The following IGSF5 variants were observed in gnomAD, a reference collection of about 807,000 sequenced individuals.
IGSF5 encodes the protein immunoglobulin superfamily member 5, also known as immunoglobulin superfamily 5 like.
IGSF5 carries 41 observed loss-of-function variants against 39.4 expected under a neutral mutation model. That is an observed-to-expected ratio of 1.04 (90% CI 0.81 to 1.35). IGSF5 has a LOEUF of 1.35. Ranked by LOEUF, IGSF5 falls within the 40% of genes most tolerant of loss-of-function variation. The pLI is 0.00. For synonymous variants in IGSF5, 183 were observed against 175.3 expected (o/e 1.04, Z -0.34); for missense variants, 487 against 494.6 (o/e 0.98, Z 0.15).
intron 8 of IGSF5, among the ~76,000 whole-genome samples, chr21:39,795,960 G>A (rs2086993583): frequency 6.6e-6 from 1 of 152,024 alleles, no homozygotes. Flanking sequence ...CATCATGGGG[G>A]GACTTTAGGA....
intron 4 of IGSF5, among the ~76,000 whole-genome samples, chr21:39,775,666 G>A (rs747418969): frequency 9.2e-5 from 14 of 152,154 alleles, no homozygotes; most frequent in Non-Finnish European, 1.5e-4. Flanking sequence ...GTGAAGGAGT[G>A]CAGGGAGAAA....
chr21:39,744,871 GT>G (rs2079965048), upstream of IGSF5, among the ~76,000 whole-genome samples: 1 of 152,236 alleles, frequency 6.6e-6, no homozygotes, highest in Non-Finnish European at 1.5e-5. Flanking sequence ...TCATCCGTGG[GT>G]TACTGGGTTA....
chr21:39,801,513 GA>G lies in IGSF5; in HGVS notation c.*158del, dbSNP rs1303140584. On this transcript the variant is annotated 3_prime_UTR_variant, in exon 9 of 9. Coordinates refer to ENST00000380588, the MANE Select transcript of IGSF5 (RefSeq NM_001080444.2). Reference sequence around the variant, plus strand: ...TCAGAACTGATACTTGACAGTGAGAGAAGGAATCGATTTTCCCAGAGTTCAA... The same window carrying G: ...TCAGAACTGATACTTGACAGTGAGAGAGGAATCGATTTTCCCAGAGTTCAA... The G allele has an allele frequency of 1.2e-5, 6 of 485,258 alleles. No individual in the cohort carries two copies. Among genetic ancestry groups the G allele is most frequent in the Non-Finnish European group, 2.2e-5 (6 of 274,620 alleles). The allele number at this position is 485,258 out of a possible 1,614,324, so 30.1% of individuals were successfully genotyped here.
At chr21:39,759,685 C>T (rs905520017) in intron 2 of IGSF5, among the ~76,000 whole-genome samples, 1 of 151,500 alleles carries the variant, frequency 6.6e-6, no homozygotes. Flanking sequence ...GCTAACATGG[C>T]GAAACCCTAT....
the IGSF5 span, among the ~76,000 whole-genome samples, chr21:39,738,347 ACCGCCCAACAG>A: frequency 1.3e-5 from 2 of 152,096 alleles, no homozygotes; most frequent in Admixed American, 1.3e-4. This position sits in a 1 kb window ranked among gnomAD's most constrained non-coding sequence, Gnocchi z 6.4. Flanking sequence ...TATGGGGGAA[ACCGCCCAACAG>A]CCGCTTGATT....
chr21:39,797,522 A>G (rs2087003348), intron 8 of IGSF5, among the ~76,000 whole-genome samples: 1 of 151,948 alleles, frequency 6.6e-6, no homozygotes, highest in Non-Finnish European at 1.5e-5. Context: ...CCCGGCCTTT[A>G]AAAATTTTTT....
At chr21:39,759,954 A>G (rs541875933) in intron 2 of IGSF5, among the ~76,000 whole-genome samples, 2 of 151,632 alleles carry the variant, frequency 1.3e-5, no homozygotes, top group East Asian at 3.9e-4. Context: ...CTATTTCAGG[A>G]GAGGAGAGTA....
At chr21:39,799,186 T>A (rs2087014665) in intron 8 of IGSF5, among the ~76,000 whole-genome samples, 1 of 152,184 alleles carries the variant, frequency 6.6e-6, no homozygotes, top group African/African-American at 2.4e-5. Context: ...GACTTCCTGC[T>A]CAAGAGATGG....
chr21:39,712,671 C>G, the IGSF5 span, among the ~76,000 whole-genome samples: 2 of 152,132 alleles, frequency 1.3e-5, no homozygotes, highest in African/African-American at 4.8e-5. Context: ...GTTCATTGGG[C>G]CACTACTGGA....
intron 3 of IGSF5, among the ~76,000 whole-genome samples, chr21:39,767,288 G>C (rs2080091668): frequency 6.6e-6 from 1 of 152,156 alleles, no homozygotes; most frequent in African/African-American, 2.4e-5. Flanking sequence ...CCCACCTCAT[G>C]GGTTTGTTGT....
Position 39,801,456 on chromosome 21 carries a change from CAACA to C in IGSF5, c.*100_*103del, listed in dbSNP as rs1377184657. On this transcript the variant is annotated 3_prime_UTR_variant, in exon 9 of 9. Transcript: ENST00000380588. ...TCCTAAGACTGGCCTGCAGCTTTGC[CAACA>C]TTACCTGAAGAGGAGATGTCGGAGT... The C allele has an allele frequency of 1.9e-5, 15 of 806,856 alleles. No individual in the cohort carries two copies. Among genetic ancestry groups the C allele is most frequent in the Admixed American group, 6.4e-5 (3 of 46,934 alleles). The allele number at this position is 806,856 out of a possible 1,614,324, so 50.0% of individuals were successfully genotyped here.
the IGSF5 span, among the ~76,000 whole-genome samples, chr21:39,728,297 C>T: frequency 6.6e-6 from 1 of 152,082 alleles, no homozygotes; most frequent in African/African-American, 2.4e-5. Flanking sequence ...TCCAGTATGA[C>T]TGGTGTCCTT....
At chr21:39,751,090 T>A (rs2080003454) in intron 2 of IGSF5, 1 of 152,406 alleles carries the variant, frequency 6.6e-6, no homozygotes, top group Admixed American at 6.5e-5. Flanking sequence ...ATACGCACTC[T>A]GAAGAGCTTA....
At chr21:39,784,364 T>C (rs16998479) in intron 5 of IGSF5, among the ~76,000 whole-genome samples, 2,160 of 152,308 alleles carry the variant, frequency 0.014, 49 homozygotes, top group African/African-American at 0.049. Flanking sequence ...TACATCCTGG[T>C]TCCCTTCAGC....
chr21:39,756,726 G>A (rs2080032308), intron 2 of IGSF5, among the ~76,000 whole-genome samples: 1 of 152,128 alleles, frequency 6.6e-6, no homozygotes, highest in African/African-American at 2.4e-5. Context: ...CAGCACATAG[G>A]TGATCTAACC....
At chr21:39,756,377 C>T (rs1335677332) in intron 2 of IGSF5, among the ~76,000 whole-genome samples, 1 of 152,186 alleles carries the variant, frequency 6.6e-6, no homozygotes, top group Non-Finnish European at 1.5e-5. Flanking sequence ...GTTTTCCCAT[C>T]ACAGTTTCAA....
At chr21:39,741,529 C>T (rs2079948768), upstream of IGSF5, among the ~76,000 whole-genome samples, 2 of 152,192 alleles carry the variant, frequency 1.3e-5, no homozygotes, top group African/African-American at 2.4e-5. Flanking sequence ...GCTTGGGTGG[C>T]TTGATGGCAC....
chr21:39,737,303 G>A, the IGSF5 span, among the ~76,000 whole-genome samples: 1 of 152,132 alleles, frequency 6.6e-6, no homozygotes, highest in African/African-American at 2.4e-5. Flanking sequence ...TGGCAGGGGT[G>A]GGGTTCTCCC....
At chr21:39,778,950 A>G (rs2080154875) in intron 4 of IGSF5, 140 bp from the exon 5 acceptor site, 2 of 889,508 alleles carry the variant, frequency 2.2e-6, no homozygotes, top group South Asian at 3.6e-5. Flanking sequence ...ACATTGAAAG[A>G]AACTTGGCCT....
Sources: gnomAD v4.1 joint callset for allele counts (sites outside exome capture counted in the v4.1 genomes callset) on GRCh38, gnomAD v4.1.1 for gene constraint, Gnocchi (gnomAD v3.1) non-coding constraint, MANE v1.5 for transcripts, NCBI Gene and HGNC (gene_info 2026-07-23, HGNC 2026-07-21) for gene names.